Variants in MTHFD1L observed in about 807,000 individuals in gnomAD.
MTHFD1L encodes monofunctional C1-tetrahydrofolate synthase, mitochondrial.
In MTHFD1L, 81 loss-of-function variants were observed where a neutral mutation model predicts 119.5. That is an observed-to-expected ratio of 0.68 (90% CI 0.57 to 0.82). The LOEUF (loss-of-function observed/expected upper bound fraction) is 0.82, where lower values mean the gene tolerates loss of function less well. Among genes scored for constraint, MTHFD1L ranks in the 40% least tolerant of loss-of-function variants. MTHFD1L has a pLI of 0.00. For synonymous variants in MTHFD1L, 430 were observed against 475.2 expected (o/e 0.90, Z 1.24); for missense variants, 1,125 against 1,253.4 (o/e 0.90, Z 1.55).
chr6:151,027,051 G>A (rs1386094345), intron 24 of MTHFD1L, among the ~76,000 whole-genome samples: 4 of 151,740 alleles, frequency 2.6e-5, no homozygotes, highest in Non-Finnish European at 5.9e-5. Flanking sequence ...GGATGGTCTC[G>A]ATCTCTTAAC....
At chr6:150,981,296 A>T (rs1010005250) in intron 20 of MTHFD1L, among the ~76,000 whole-genome samples, 9 of 152,300 alleles carry the variant, frequency 5.9e-5, no homozygotes, top group African/African-American at 2.2e-4. Flanking sequence ...ATATGATGTC[A>T]TGGAAAGGGA....
At chr6:150,933,234 C>A (rs1022929320) in intron 11 of MTHFD1L, among the ~76,000 whole-genome samples, 1 of 152,032 alleles carries the variant, frequency 6.6e-6, no homozygotes, top group African/African-American at 2.4e-5. Context: ...GCTATGCTAG[C>A]ATATCCTTGG....
In MTHFD1L at chr6:151,034,563, C is replaced by G. The variant is rs765079079; in HGVS notation, c.2657C>G (p.Pro886Arg). The change falls in exon 25 of 28, where the codon CCT becomes CGT. Residue 886 changes from proline (P) to arginine (R), a missense_variant. Physicochemically the swap from Pro to Arg is moderately radical, Grantham distance 103 (BLOSUM62 -2). Transcript: ENST00000367321. ...GGAGCCAAAGATATTGAACTCTCTCCTGAGGCACAAGCCAAAATAGATCGT... is the reference window on the plus strand; with the variant it reads ...GGAGCCAAAGATATTGAACTCTCTCGTGAGGCACAAGCCAAAATAGATCGT... The part of the protein sequence containing the change: ...VYGAKDIELS[P>R]EAQAKIDRYT... 1 of 1,611,804 alleles carries G rather than the reference C, an allele frequency of 6.2e-7. No individual in the cohort carries two copies. Among genetic ancestry groups the G allele is most frequent in the Non-Finnish European group, 8.5e-7 (1 of 1,179,708 alleles).
chr6:151,000,335 C>CA (rs946814251), intron 20 of MTHFD1L, among the ~76,000 whole-genome samples: 4,659 of 74,922 alleles, frequency 0.062, 149 homozygotes, highest in African/African-American at 0.14. Flanking sequence ...GACTCTGTCT[C>CA]AAAAAAAAAA....
At chr6:150,866,092 T>G (rs1379950730) in intron 1 of MTHFD1L, 43 bp downstream of exon 1, 2 of 1,479,018 alleles carry the variant, frequency 1.4e-6, no homozygotes. Context: ...CCAGCGGCTG[T>G]GGCCCCGACC....
intron 1 of MTHFD1L, among the ~76,000 whole-genome samples, chr6:150,868,028 G>A (rs1026243270): frequency 6.6e-6 from 1 of 152,080 alleles, no homozygotes; most frequent in Non-Finnish European, 1.5e-5. Flanking sequence ...TTGAACTCCT[G>A]ACCTCAGGTG....
At chr6:150,962,221 G>A (rs187202366) in intron 18 of MTHFD1L, among the ~76,000 whole-genome samples, 20 of 152,138 alleles carry the variant, frequency 1.3e-4, no homozygotes, top group Admixed American at 3.3e-4. Flanking sequence ...AACTCCTCAG[G>A]TGATCTGCCC....
Position 150,916,574 on chromosome 6 carries a change from C to A in MTHFD1L, c.893-2003C>A, listed in dbSNP as rs1787971082. ...AAACTCCTGACCTCAGGTGATCCAC[C>A]CTACTCGGCCTCCTAGAGTCCTGGG... On this transcript the variant is annotated intron_variant, in intron 8 of 27. Coordinates refer to ENST00000367321, the MANE Select transcript of MTHFD1L (RefSeq NM_015440.5). 2.1e-5 allele frequency among the ~76,000 whole-genome samples: 3 copies of A among 144,652 alleles called. No individual in the cohort carries two copies. In the East Asian group the frequency reaches 6.1e-4, roughly 30 times the overall value. The allele number at this position is 144,652 out of a possible 152,430, so 94.9% of individuals were successfully genotyped here. A position where few individuals can be genotyped will look rare whatever the true frequency, so the allele number is the denominator to read the frequency against.
chr6:151,100,427 A>G (rs546391407), intron 27 of MTHFD1L, among the ~76,000 whole-genome samples: 99 of 152,136 alleles, frequency 6.5e-4, no homozygotes, highest in African/African-American at 2.0e-3. Context: ...CTTCATCAAT[A>G]TCTTCTGTCT....
chr6:150,903,209 T>C (rs1481038561), intron 7 of MTHFD1L, among the ~76,000 whole-genome samples: 7 of 106,128 alleles, frequency 6.6e-5, no homozygotes, highest in African/African-American at 2.4e-4. Context: ...CAAAATTTTT[T>C]TTTTTTTTTT....
chr6:150,935,358 T>C lies in MTHFD1L; in HGVS notation c.1257-1446T>C, dbSNP rs557654461. On this transcript the variant is annotated intron_variant, in intron 11 of 27. Transcript: ENST00000367321. ...GAAAATCAAGGAGTCCCTGTACTTA[T>C]AGTTGCTAACAAACAAGACTTGAGG... 3.8e-5 allele frequency: 62 copies of C among 1,613,808 alleles called. 1 individual carries two copies. The South Asian group carries it at 4.5e-4, about 12-fold the overall frequency.
intron 24 of MTHFD1L, among the ~76,000 whole-genome samples, chr6:151,023,612 T>C (rs1378898581): frequency 6.6e-6 from 1 of 152,196 alleles, no homozygotes; most frequent in African/African-American, 2.4e-5. Flanking sequence ...CCCAGCTTTC[T>C]TTCCTCGATG....
At chr6:151,077,797 C>T (rs939335117) in intron 26 of MTHFD1L, among the ~76,000 whole-genome samples, 13 of 152,102 alleles carry the variant, frequency 8.5e-5, no homozygotes, top group Admixed American at 6.6e-4. Flanking sequence ...GGCGCGGTGG[C>T]TCACGCTTGT....
rs1784262735 is a variant in MTHFD1L at position 150,896,587 on chromosome 6, T to C, written c.780+8606T>C. On this transcript the variant is annotated intron_variant, in intron 7 of 27. Coordinates refer to ENST00000367321, the MANE Select transcript of MTHFD1L (RefSeq NM_015440.5). ...GTGTGGAATTAAGTGCACTGAATAGTGTTGGCCCCTGAGCTTTGTTTGACA... is the reference window on the plus strand; with the variant it reads ...GTGTGGAATTAAGTGCACTGAATAGCGTTGGCCCCTGAGCTTTGTTTGACA... Among the ~76,000 whole-genome samples, 3 of 152,158 alleles carry C rather than the reference T, an allele frequency of 2.0e-5. No individual in the cohort carries two copies. The South Asian group carries it at 6.2e-4, about 32-fold the overall frequency.
At chr6:150,927,071 A>G (rs1790122326) in intron 11 of MTHFD1L, among the ~76,000 whole-genome samples, 1 of 152,200 alleles carries the variant, frequency 6.6e-6, no homozygotes. Flanking sequence ...TCAGGCAGAG[A>G]CATTTCTTGT....
At chr6:151,069,313 A>G (rs764245670) in intron 26 of MTHFD1L, among the ~76,000 whole-genome samples, 17 of 146,328 alleles carry the variant, frequency 1.2e-4, no homozygotes, top group Non-Finnish European at 1.9e-4. Context: ...GACCTCCCTA[A>G]TCCTCCAGGT....
chr6:150,931,162 T>A (rs1232557361), intron 11 of MTHFD1L, among the ~76,000 whole-genome samples: 2 of 152,136 alleles, frequency 1.3e-5, no homozygotes, highest in Admixed American at 1.3e-4. Context: ...TTCTAGAATT[T>A]CCCTGAATTG....
intron 20 of MTHFD1L, among the ~76,000 whole-genome samples, chr6:151,000,013 G>A (rs937987117): frequency 4.6e-5 from 7 of 152,160 alleles, no homozygotes; most frequent in Non-Finnish European, 5.9e-5. Flanking sequence ...CACCAAAGAG[G>A]TGGAAAGGAA....
intron 20 of MTHFD1L, among the ~76,000 whole-genome samples, chr6:151,000,327 C>G (rs915203397): frequency 6.9e-6 from 1 of 144,456 alleles, no homozygotes; most frequent in African/African-American, 2.6e-5. Context: ...CAGGGAGAGA[C>G]TCTGTCTCAA....
Sources: allele counts gnomAD v4.1 joint callset (sites outside exome capture counted in the v4.1 genomes callset), GRCh38; gene constraint gnomAD v4.1.1; transcripts MANE v1.5; gene names NCBI Gene and HGNC (gene_info 2026-07-23, HGNC 2026-07-21).